The following SPAG1 variants were observed in gnomAD, a reference collection of about 807,000 sequenced individuals.
SPAG1 encodes the protein sperm associated antigen 1, also known as sperm-associated antigen 1.
Under a neutral mutation model 100.5 loss-of-function variants are expected in SPAG1, and 69 were observed. The observed-to-expected ratio is 0.69, with a 90% CI of 0.57 to 0.84. The LOEUF (loss-of-function observed/expected upper bound fraction) is 0.84. Among genes scored for constraint, SPAG1 ranks in the 40% least tolerant of loss-of-function variants. The probability of loss-of-function intolerance (pLI) is 0.00; values close to 1 mark genes in which losing one functional copy is unlikely to be tolerated. For synonymous variants in SPAG1, 336 were observed against 411.6 expected, an observed-to-expected ratio of 0.82 and a Z score of 2.22; for missense variants, 955 against 1,133.1, an observed-to-expected ratio of 0.84 and a Z score of 2.26.
In SPAG1 at chr8:100,240,627, A is replaced by T. The variant is rs1177759013; in HGVS notation, c.2505A>T (p.Lys835Asn). 11 of 1,614,182 alleles carry T rather than the reference A, an allele frequency of 6.8e-6. No homozygotes were observed. The highest frequency in any genetic ancestry group is 8.5e-6 in the Non-Finnish European group (10 of 1,180,012). ...CAHLLAITAP[K>N]DLPMFLSNKL... ...ATCTTTTAGCCATCACTGCACCAAAAGATTTGCCGATGTTTTTAAGTAACA... is the reference window on the plus strand; with the variant it reads ...ATCTTTTAGCCATCACTGCACCAAATGATTTGCCGATGTTTTTAAGTAACA... Residue 835 changes from lysine to asparagine, a missense_variant, in exon 18 of 19, where the codon AAA becomes AAT. By Grantham distance (94) the Lys-to-Asn change is moderately conservative (BLOSUM62 0). Transcript: ENST00000388798.
chr8:100,175,206 A>G (rs1382450054), intron 3 of SPAG1, among the ~76,000 whole-genome samples: 11 of 151,298 alleles, frequency 7.3e-5, no homozygotes, highest in Non-Finnish European at 1.6e-4. Context: ...GTCCTTCTAG[A>G]CGTTCATGAT....
At chr8:100,196,223 CCT>C (rs940525527) in intron 10 of SPAG1, among the ~76,000 whole-genome samples, 4 of 152,136 alleles carry the variant, frequency 2.6e-5, no homozygotes, top group African/African-American at 9.7e-5. Flanking sequence ...TTTCATTTCC[CCT>C]GAGTAAATAG....
intron 12 of SPAG1, among the ~76,000 whole-genome samples, chr8:100,214,180 C>A (rs1483706896): frequency 6.6e-6 from 1 of 152,204 alleles, no homozygotes; most frequent in East Asian, 1.9e-4. Context: ...ACTGGAGAAG[C>A]CTGATAACTA....
At chr8:100,206,969 G>C (rs902257946) in intron 10 of SPAG1, among the ~76,000 whole-genome samples, 1 of 152,182 alleles carries the variant, frequency 6.6e-6, no homozygotes, top group African/African-American at 2.4e-5. Flanking sequence ...TAGGGATGCC[G>C]TTTGGAGCCT....
At chr8:100,213,713 A>G (rs772264639) in intron 11 of SPAG1, 106 bp from the exon 12 acceptor site, 158 of 714,554 alleles carry the variant, frequency 2.2e-4, no homozygotes, top group Non-Finnish European at 3.2e-4. Flanking sequence ...ATCAGTCTGC[A>G]GGACTGCAGT....
At chr8:100,185,524 A>G (rs183381739) in intron 7 of SPAG1, among the ~76,000 whole-genome samples, 23 of 152,290 alleles carry the variant, frequency 1.5e-4, no homozygotes, top group Admixed American at 2.0e-4. Context: ...AGCAGAACCC[A>G]TTTGTCAAGG....
intron 13 of SPAG1, among the ~76,000 whole-genome samples, chr8:100,222,826 G>T (rs1206469739): frequency 6.6e-6 from 1 of 152,156 alleles, no homozygotes; most frequent in Non-Finnish European, 1.5e-5. Context: ...GTGGCATTTT[G>T]TACACTTACC....
chr8:100,197,585 A>G (rs992426372), intron 10 of SPAG1, among the ~76,000 whole-genome samples: 2 of 152,216 alleles, frequency 1.3e-5, no homozygotes, highest in African/African-American at 2.4e-5. Context: ...GTTAAAGCCC[A>G]GAGGAAAGTT....
At chr8:100,218,988 G>A (rs1184357485) in intron 12 of SPAG1, among the ~76,000 whole-genome samples, 1 of 152,174 alleles carries the variant, frequency 6.6e-6, no homozygotes, top group East Asian at 1.9e-4. Context: ...GCTCAGGACA[G>A]GCAATGCCAA....
intron 7 of SPAG1, among the ~76,000 whole-genome samples, chr8:100,185,603 G>A (rs1816551047): frequency 6.6e-6 from 1 of 152,214 alleles, no homozygotes; most frequent in Non-Finnish European, 1.5e-5. Flanking sequence ...CAATAAATAT[G>A]TATATGAACT....
At chr8:100,165,529 C>G (rs2248768) in intron 2 of SPAG1, 3 of 369,726 alleles carry the variant, frequency 8.1e-6, no homozygotes, top group South Asian at 2.7e-5. Context: ...AGCAACCCCA[C>G]TTCCTCCACG....
intron 10 of SPAG1, among the ~76,000 whole-genome samples, chr8:100,207,380 CTG>C (rs2132331851): frequency 6.6e-6 from 1 of 152,308 alleles, no homozygotes; most frequent in Non-Finnish European, 1.5e-5. Context: ...GGGGAGTTTC[CTG>C]TGATCAGTTG....
At position 100,239,686 on chromosome 8, in the gene SPAG1, G is replaced by A. The variant is rs1819166992; in HGVS notation, c.2280+282G>A. On this transcript the variant is annotated intron_variant, in intron 17 of 18. Transcript: ENST00000388798. This position sits in a 1 kb window ranked among gnomAD's most constrained non-coding sequence, Gnocchi z 5.0. ...CTGCTCCCACTCCAGAGTACACTGG[G>A]AACCAGCGGCCACTGACTTTGCTCC... 6.6e-6 allele frequency among the ~76,000 whole-genome samples: 1 copy of A among 152,170 alleles called. No individual in the cohort carries two copies. The highest frequency in any genetic ancestry group is 2.1e-4 in the South Asian group (1 of 4,826).
At chr8:100,189,521 G>C (rs570387856) in intron 8 of SPAG1, among the ~76,000 whole-genome samples, 1 of 151,986 alleles carries the variant, frequency 6.6e-6, no homozygotes, top group African/African-American at 2.4e-5. Context: ...TAGACATGGT[G>C]GTGGGCACCT....
At chr8:100,162,216 C>A in intron 1 of SPAG1, 63 bp from the exon 2 acceptor site, 2 of 1,307,318 alleles carry the variant, frequency 1.5e-6, no homozygotes, top group Admixed American at 2.4e-5. Flanking sequence ...TACATGGTTA[C>A]CACTATCCAA....
intron 12 of SPAG1, among the ~76,000 whole-genome samples, chr8:100,214,575 G>T (rs1416572127): frequency 1.3e-5 from 2 of 152,164 alleles, no homozygotes; most frequent in African/African-American, 4.8e-5. Flanking sequence ...ACTGAAGGGG[G>T]TTTAAACACA....
At chr8:100,183,613 TA>T (rs1816461930) in intron 5 of SPAG1, among the ~76,000 whole-genome samples, 177 bp downstream of exon 5, 1 of 152,082 alleles carries the variant, frequency 6.6e-6, no homozygotes, top group Non-Finnish European at 1.5e-5. Flanking sequence ...TTTCAGTACA[TA>T]AAAAACTTCT....
intron 16 of SPAG1, among the ~76,000 whole-genome samples, chr8:100,234,789 A>G (rs1249331148): frequency 6.6e-6 from 1 of 152,074 alleles, no homozygotes; most frequent in Non-Finnish European, 1.5e-5. Context: ...ATAGAGGGAG[A>G]TGGTCAGATC....
At chr8:100,192,374 C>A (rs1032321343) in intron 9 of SPAG1, among the ~76,000 whole-genome samples, 2 of 152,122 alleles carry the variant, frequency 1.3e-5, no homozygotes, top group Non-Finnish European at 2.9e-5. Flanking sequence ...TATAAGCAAA[C>A]CTGCCCAATC....
Sources: gnomAD v4.1 joint callset for allele counts (sites outside exome capture counted in the v4.1 genomes callset) on GRCh38, gnomAD v4.1.1 for gene constraint, Gnocchi (gnomAD v3.1) non-coding constraint, MANE v1.5 for transcripts, NCBI Gene and HGNC (gene_info 2026-07-23, HGNC 2026-07-21) for gene names.